The following ZEB1 variants were observed in gnomAD, a reference collection of about 807,000 sequenced individuals.
The protein encoded by ZEB1 is zinc finger E-box-binding homeobox 1.
ZEB1 carries 21 observed loss-of-function variants against 84.9 expected under a neutral mutation model. The ratio of observed to expected loss-of-function variants is 0.25; its 90% CI spans 0.18 to 0.36. The LOEUF (loss-of-function observed/expected upper bound fraction) is 0.36. ZEB1 is among the 10% of genes least tolerant of loss of function. The pLI, the probability that ZEB1 is intolerant of heterozygous loss-of-function variation, is 1.00. For missense variants in ZEB1, 1,104 were observed against 1,330.2 expected (o/e 0.83, Z 2.65); for synonymous variants, 420 against 471.1 (o/e 0.89, Z 1.41).
intron 1 of ZEB1, among the ~76,000 whole-genome samples, chr10:31,343,589 G>C (rs7095938): frequency 0.25 from 37,653 of 151,930 alleles, 10,273 homozygotes; most frequent in African/African-American, 0.68. Flanking sequence ...GTCTTTCACA[G>C]AAATTAGTAT....
At chr10:31,402,216 A>G (rs976668326) in intron 1 of ZEB1, among the ~76,000 whole-genome samples, 1 of 152,120 alleles carries the variant, frequency 6.6e-6, no homozygotes, top group African/African-American at 2.4e-5. Flanking sequence ...TGGAGATGGT[A>G]TGGTTACCAT....
intron 1 of ZEB1, among the ~76,000 whole-genome samples, chr10:31,452,628 A>T (rs2060697371): frequency 6.6e-6 from 1 of 152,000 alleles, no homozygotes; most frequent in African/African-American, 2.4e-5. Flanking sequence ...GTGTGGTCCC[A>T]TATTCAGTTC....
chr10:31,487,824 T>C (rs1220556211), intron 2 of ZEB1, among the ~76,000 whole-genome samples: 1 of 151,348 alleles, frequency 6.6e-6, no homozygotes, highest in Non-Finnish European at 1.5e-5. Flanking sequence ...CAAGTTTTCA[T>C]CATGAATAAA....
chr10:31,411,231 A>C (rs1203872108), intron 1 of ZEB1, among the ~76,000 whole-genome samples: 1 of 152,214 alleles, frequency 6.6e-6, no homozygotes, highest in Non-Finnish European at 1.5e-5. Flanking sequence ...TCACAACTGC[A>C]TGGAAACTGA....
intron 1 of ZEB1, chr10:31,320,997 T>C: frequency 5.6e-6 from 2 of 355,924 alleles, no homozygotes; most frequent in Non-Finnish European, 7.9e-6. Context: ...CTGCGTTATT[T>C]TTAAAACGAC....
At chr10:31,324,479 A>T (rs2035000175) in intron 1 of ZEB1, among the ~76,000 whole-genome samples, 1 of 152,078 alleles carries the variant, frequency 6.6e-6, no homozygotes, top group South Asian at 2.1e-4. Context: ...ATGTGGAATT[A>T]TATTGTTAGC....
intron 1 of ZEB1, among the ~76,000 whole-genome samples, chr10:31,454,785 T>A (rs2060999872): frequency 6.6e-6 from 1 of 152,136 alleles, no homozygotes; most frequent in African/African-American, 2.4e-5. Context: ...GGAAAAACAT[T>A]CCATGCTCAT....
At chr10:31,382,056 C>A (rs2047788155) in intron 1 of ZEB1, among the ~76,000 whole-genome samples, 3 of 148,370 alleles carry the variant, frequency 2.0e-5, no homozygotes, top group Non-Finnish European at 4.5e-5. Flanking sequence ...TCCCTTGAAG[C>A]CCGACTTCAT....
chr10:31,406,667 C>G (rs895922411), intron 1 of ZEB1, among the ~76,000 whole-genome samples: 1 of 152,084 alleles, frequency 6.6e-6, no homozygotes, highest in Non-Finnish European at 1.5e-5. Context: ...ATGATAGTTT[C>G]TTTTGCTGTG....
At chr10:31,320,178 C>A in intron 1 of ZEB1, 1 of 151,584 alleles carries the variant, frequency 6.6e-6, no homozygotes, top group Non-Finnish European at 1.5e-5. Context: ...CGGGGCGCGG[C>A]GGGGCGGCGC....
At chr10:31,473,077 CTA>C (rs1345834645) in intron 2 of ZEB1, among the ~76,000 whole-genome samples, 1 of 149,114 alleles carries the variant, frequency 6.7e-6, no homozygotes, top group Non-Finnish European at 1.5e-5. Context: ...TAAGAGCTAT[CTA>C]TGACAGACCC....
Position 31,372,554 on chromosome 10 carries a change from A to C in ZEB1, c.58+53262A>C, listed in dbSNP as rs372706618. 3.3e-5 allele frequency among the ~76,000 whole-genome samples: 5 copies of C among 152,202 alleles called. No individual in the cohort carries two copies. The East Asian group carries it at 7.7e-4, about 23-fold the overall frequency. On this transcript the variant is annotated intron_variant, in intron 1 of 8. Coordinates refer to ENST00000424869, the MANE Select transcript of ZEB1 (RefSeq NM_001174096.2). ...TAAATTTTGTCTTCCCAGTACAAAA[A>C]GTATCATGATCAGGCAGGATTACGC...
intron 4 of ZEB1, among the ~76,000 whole-genome samples, chr10:31,506,874 T>G (rs1306009228): frequency 6.6e-6 from 1 of 152,118 alleles, no homozygotes; most frequent in Non-Finnish European, 1.5e-5. Flanking sequence ...TTTTCTATAG[T>G]GGTAACATTT....
chr10:31,427,924 T>A (rs2057187516), intron 1 of ZEB1, among the ~76,000 whole-genome samples: 2 of 152,124 alleles, frequency 1.3e-5, no homozygotes, highest in South Asian at 4.2e-4. Flanking sequence ...AGTGGTAATA[T>A]CCCCCTTGTT....
intron 3 of ZEB1, among the ~76,000 whole-genome samples, chr10:31,499,018 C>T (rs1392970118): frequency 6.6e-6 from 1 of 151,890 alleles, no homozygotes; most frequent in Admixed American, 6.6e-5. Flanking sequence ...CTGAGTTGCT[C>T]AGTTTTTATG....
At chr10:31,325,370 C>T (rs1042042955) in intron 1 of ZEB1, among the ~76,000 whole-genome samples, 32 of 152,022 alleles carry the variant, frequency 2.1e-4, no homozygotes, top group African/African-American at 7.7e-4. Flanking sequence ...TCATTCTCTA[C>T]AAAGTTACTT....
chr10:31,406,052 A>G (rs1409505040), intron 1 of ZEB1, among the ~76,000 whole-genome samples: 1 of 152,168 alleles, frequency 6.6e-6, no homozygotes, highest in Non-Finnish European at 1.5e-5. Context: ...ATAGTATTCC[A>G]TGGTGTATAT....
chr10:31,451,375 C>T (rs2060546041), intron 1 of ZEB1, among the ~76,000 whole-genome samples: 1 of 151,952 alleles, frequency 6.6e-6, no homozygotes, highest in African/African-American at 2.4e-5. Flanking sequence ...TTTCTTGATT[C>T]TTTAAAGTTT....
At chr10:31,413,734 T>C (rs779826123) in intron 1 of ZEB1, among the ~76,000 whole-genome samples, 6 of 152,158 alleles carry the variant, frequency 3.9e-5, no homozygotes, top group African/African-American at 1.2e-4. Flanking sequence ...ATAAAAAATA[T>C]TGACTATTAA....
Sources: gnomAD v4.1 joint callset for allele counts (sites outside exome capture counted in the v4.1 genomes callset) on GRCh38, gnomAD v4.1.1 for gene constraint, MANE v1.5 for transcripts, NCBI Gene and HGNC (gene_info 2026-07-23, HGNC 2026-07-21) for gene names.